Variants in RRAS2 observed in about 807,000 individuals in gnomAD.
RRAS2 encodes the protein ras-related protein R-Ras2.
A neutral mutation model predicts 27.6 loss-of-function variants in RRAS2; 7 were observed. The observed-to-expected ratio is 0.25, with a 90% CI of 0.14 to 0.48. The LOEUF is 0.48. Ranked by LOEUF, RRAS2 falls within the 20% of genes least tolerant of loss-of-function variation. The pLI, the probability that RRAS2 is intolerant of heterozygous loss-of-function variation, is 0.99. For synonymous variants in RRAS2, 86 were observed against 90.9 expected, an observed-to-expected ratio of 0.95 and a Z score of 0.31; for missense variants, 178 against 256.2, an observed-to-expected ratio of 0.69 and a Z score of 2.08.
chr11:14,325,578 C>T (rs1848335960), intron 1 of RRAS2, among the ~76,000 whole-genome samples: 1 of 152,130 alleles, frequency 6.6e-6, no homozygotes, highest in African/African-American at 2.4e-5. Flanking sequence ...GGATTACAGG[C>T]GTGAGCCACC....
intron 1 of RRAS2, among the ~76,000 whole-genome samples, chr11:14,352,249 G>A (rs936528143): frequency 1.3e-5 from 2 of 152,108 alleles, no homozygotes; most frequent in Admixed American, 1.3e-4. Flanking sequence ...ACAATAAACT[G>A]ACTGCATTTT....
At chr11:14,333,595 A>ATTTCATTTTATAATCTGT (rs1305835695) in intron 1 of RRAS2, among the ~76,000 whole-genome samples, 3 of 152,092 alleles carry the variant, frequency 2.0e-5, no homozygotes, top group Non-Finnish European at 4.4e-5. Flanking sequence ...TGTACTGTGA[A>ATTTCATTTTATAATCTGT]TTTCATTTTA....
At position 14,334,287 on chromosome 11, in the gene RRAS2, T is replaced by C. The variant is rs906995010; in HGVS notation, c.108+24476A>G. Among the ~76,000 whole-genome samples the C allele has an allele frequency of 2.0e-5, 3 of 152,124 alleles. No homozygotes were observed. In the South Asian group the frequency reaches 6.3e-4, roughly 32 times the overall value. On this transcript the variant is annotated intron_variant, in intron 1 of 5. Coordinates refer to ENST00000256196, the MANE Select transcript of RRAS2 (RefSeq NM_012250.6). Reference sequence around the variant, plus strand: ...AATCGTTTATTGTTTTACTTTGTCCTGGTTTTTTTTTCCTATTCAGTGAGG... The same window carrying C: ...AATCGTTTATTGTTTTACTTTGTCCCGGTTTTTTTTTCCTATTCAGTGAGG...
At position 14,358,677 on chromosome 11, in the gene RRAS2, G is replaced by T; in HGVS notation, c.108+86C>A. The stretch of plus-strand genomic sequence containing the variant: ...CGGGCCCGCGAGGCGCCTCTGGGGC[G>T]AGGTCGCGGCGGCCGCCCCGCCACA... On this transcript the variant is annotated intron_variant, in intron 1 of 5. Coordinates refer to ENST00000256196, the MANE Select transcript of RRAS2 (RefSeq NM_012250.6). The surrounding 1 kb of genome is among the most constrained non-coding windows in gnomAD (Gnocchi z 5.1). 2 of 1,023,400 alleles carry T rather than the reference G, an allele frequency of 2.0e-6. No homozygotes were observed. Among genetic ancestry groups the T allele is most frequent in the African/African-American group, 1.7e-5 (1 of 57,810 alleles). 63.4% of individuals were successfully genotyped at this position (1,023,400 alleles called of 1,614,324 possible).
At chr11:14,281,916 T>C (rs1849549012) in intron 4 of RRAS2, among the ~76,000 whole-genome samples, 196 bp from the exon 5 acceptor site, 1 of 152,216 alleles carries the variant, frequency 6.6e-6, no homozygotes, top group African/African-American at 2.4e-5. Context: ...ATATCTGTGA[T>C]GGAAATACTA....
Position 14,295,809 on chromosome 11 carries a change from G to T in RRAS2, c.155C>A (p.Thr52Lys). ...DYDPTIEDSY[T>K]KQCVIDDRAA... ...TCTGTCATCTATCACACACTGCTTT[G>T]TGTAAGAATCTTCAATGGTTGGATC... is the stretch of plus-strand genomic sequence containing the variant. Residue 52 changes from threonine to lysine, a missense_variant, in exon 2 of 6, where the codon ACA becomes AAA. By Grantham distance (78) the Thr-to-Lys change is moderately conservative. Transcript: ENST00000256196. 1 of 1,613,534 alleles carries T rather than the reference G, an allele frequency of 6.2e-7. No individual in the cohort carries two copies. Among genetic ancestry groups the T allele is most frequent in the Non-Finnish European group, 8.5e-7 (1 of 1,179,706 alleles).
chr11:14,285,675 T>G (rs1290012367), intron 4 of RRAS2, among the ~76,000 whole-genome samples: 1 of 152,242 alleles, frequency 6.6e-6, no homozygotes, highest in Admixed American at 6.5e-5. Flanking sequence ...TTATTTCATC[T>G]TCATTTCTGA....
intron 1 of RRAS2, among the ~76,000 whole-genome samples, chr11:14,320,112 G>A (rs998313433): frequency 1.1e-4 from 16 of 143,648 alleles, no homozygotes; most frequent in Admixed American, 3.4e-4. Flanking sequence ...CCCACCCACC[G>A]CACCCCACAA....
chr11:14,322,730 A>G (rs1426166916), intron 1 of RRAS2, among the ~76,000 whole-genome samples: 1 of 152,360 alleles, frequency 6.6e-6, no homozygotes, highest in Middle Eastern at 3.4e-3. Context: ...AGGGAAGTAC[A>G]TAACAACCAT....
chr11:14,300,784 AGAAG>A (rs1442711282), intron 1 of RRAS2, among the ~76,000 whole-genome samples: 2 of 152,174 alleles, frequency 1.3e-5, no homozygotes, highest in African/African-American at 2.4e-5. Context: ...GAGGAAAAGA[AGAAG>A]GAAGGAGAGA....
exon 1 of RRAS2, chr11:14,364,478 G>T: frequency 8.0e-7 from 1 of 1,255,328 alleles, no homozygotes. Flanking sequence ...GAATGAAACC[G>T]CCCAGCAGGA....
At chr11:14,362,455 C>G (rs1591497448), upstream of RRAS2, among the ~76,000 whole-genome samples, 1 of 146,306 alleles carries the variant, frequency 6.8e-6, no homozygotes, top group African/African-American at 2.8e-5. Context: ...GAAAATACCC[C>G]CAAAAGCATA....
intron 1 of RRAS2, among the ~76,000 whole-genome samples, chr11:14,322,985 TCTCTTCA>T (rs1441544953): frequency 6.6e-6 from 1 of 152,148 alleles, no homozygotes; most frequent in Non-Finnish European, 1.5e-5. Flanking sequence ...AAAAAGCGTA[TCTCTTCA>T]AACACTGCTA....
chr11:14,331,607 C>T (rs144410330), intron 1 of RRAS2, among the ~76,000 whole-genome samples: 20 of 142,092 alleles, frequency 1.4e-4, no homozygotes, highest in African/African-American at 4.7e-4. Flanking sequence ...AGGAGACTGG[C>T]GGGAGGATCA....
chr11:14,355,977 T>G (rs1255522183), intron 1 of RRAS2, among the ~76,000 whole-genome samples: 1 of 152,212 alleles, frequency 6.6e-6, no homozygotes, highest in Non-Finnish European at 1.5e-5. Context: ...CTAAAATTAA[T>G]ATAAAAATGT....
intron 1 of RRAS2, among the ~76,000 whole-genome samples, chr11:14,329,007 GTGTGTATA>G (rs1417677209): frequency 8.7e-4 from 48 of 55,390 alleles, no homozygotes; most frequent in South Asian, 1.7e-3. Context: ...GTGTGTGTGT[GTGTGTATA>G]TATATATATA....
intron 4 of RRAS2, among the ~76,000 whole-genome samples, chr11:14,286,817 T>G (rs1326612780): frequency 6.6e-6 from 1 of 152,252 alleles, no homozygotes; most frequent in Non-Finnish European, 1.5e-5. Flanking sequence ...CACAAGGCTA[T>G]GCATTTGAAA....
chr11:14,359,272 G>A, upstream of RRAS2: 1 of 685,868 alleles, frequency 1.5e-6, no homozygotes, highest in Non-Finnish European at 1.8e-6. Context: ...AGGTTCGGGA[G>A]GTAACCCGGG....
At chr11:14,351,289 G>A (rs1342718547) in intron 1 of RRAS2, among the ~76,000 whole-genome samples, 2 of 152,146 alleles carry the variant, frequency 1.3e-5, no homozygotes, top group Non-Finnish European at 2.9e-5. Context: ...TGGAAATAAT[G>A]AATTGGATAA....
Sources: allele counts gnomAD v4.1 joint callset (sites outside exome capture counted in the v4.1 genomes callset), GRCh38; gene constraint gnomAD v4.1.1; non-coding constraint Gnocchi (gnomAD v3.1); transcripts MANE v1.5; gene names NCBI Gene and HGNC (gene_info 2026-07-23, HGNC 2026-07-21).